Variants in CAST observed in about 807,000 individuals in gnomAD.
The protein encoded by CAST is MIR583 host.
CAST carries 76 observed loss-of-function variants against 119.6 expected under a neutral mutation model. The ratio of observed to expected loss-of-function variants is 0.64; its 90% confidence interval spans 0.53 to 0.77. The LOEUF (loss-of-function observed/expected upper bound fraction) is 0.77, where lower values mean the gene tolerates loss of function less well. Ranked by LOEUF, CAST falls within the 30% of genes least tolerant of loss-of-function variation. The pLI is 0.00. For synonymous variants in CAST, 319 were observed against 331.6 expected, an observed-to-expected ratio of 0.96 and a Z score of 0.41; for missense variants, 953 against 946.5, an observed-to-expected ratio of 1.01 and a Z score of -0.09.
chr5:96,641,485 G>A (rs993805211), intron 1 of CAST, among the ~76,000 whole-genome samples: 1 of 152,064 alleles, frequency 6.6e-6, no homozygotes, highest in Non-Finnish European at 1.5e-5. Flanking sequence ...CTCTTTGCTG[G>A]GCCAACAACT....
the CAST span, among the ~76,000 whole-genome samples, chr5:96,289,723 G>A: frequency 1.3e-5 from 2 of 152,012 alleles, no homozygotes; most frequent in South Asian, 2.1e-4. Context: ...AAATATCCTC[G>A]GGTAAGTTAT....
chr5:95,970,860 G>GA, the CAST span, among the ~76,000 whole-genome samples: 1 of 152,178 alleles, frequency 6.6e-6, no homozygotes, highest in African/African-American at 2.4e-5. Flanking sequence ...TCAAGTATTT[G>GA]AATTGTGACT....
chr5:96,042,747 C>T, the CAST span, among the ~76,000 whole-genome samples: 16 of 152,184 alleles, frequency 1.1e-4, no homozygotes, highest in African/African-American at 3.6e-4. Context: ...TTCTCACTTG[C>T]GAATCCTAGA....
At chr5:96,032,039 C>T in the CAST span, among the ~76,000 whole-genome samples, 1 of 152,160 alleles carries the variant, frequency 6.6e-6, no homozygotes, top group Non-Finnish European at 1.5e-5. Context: ...CAAGTGTCCC[C>T]ACCACATGGT....
the CAST span, among the ~76,000 whole-genome samples, chr5:96,162,821 G>T: frequency 6.6e-6 from 1 of 152,022 alleles, no homozygotes; most frequent in Admixed American, 6.6e-5. Flanking sequence ...ATTTGTTGAT[G>T]ATTTTTGTGT....
the CAST span, among the ~76,000 whole-genome samples, chr5:96,494,037 ATAAC>A: frequency 3.1e-4 from 47 of 152,294 alleles, no homozygotes; most frequent in South Asian, 4.1e-4. Context: ...CCGTCTCAAA[ATAAC>A]TAACTAACTA....
chr5:96,107,419 G>T, the CAST span, among the ~76,000 whole-genome samples: 3 of 151,702 alleles, frequency 2.0e-5, no homozygotes, highest in Admixed American at 2.0e-4. Flanking sequence ...GGCGGGCCTG[G>T]TGGTGACAAA....
At chr5:96,387,547 C>CTTA in the CAST span, among the ~76,000 whole-genome samples, 1 of 151,796 alleles carries the variant, frequency 6.6e-6, no homozygotes, top group Non-Finnish European at 1.5e-5. Context: ...TTACAAATCT[C>CTTA]TCTTAACATT....
the CAST span, among the ~76,000 whole-genome samples, chr5:96,334,997 T>A: frequency 6.6e-6 from 1 of 152,210 alleles, no homozygotes; most frequent in African/African-American, 2.4e-5. Context: ...TTTCAGAAGA[T>A]GCATTGTCTC....
At chr5:96,432,914 C>T in the CAST span, 4 of 1,614,126 alleles carry the variant, frequency 2.5e-6, no homozygotes. Flanking sequence ...AGGCTGCTTC[C>T]GGGCCCCCGG....
At chr5:95,961,541 T>C in the CAST span, 3 of 1,537,726 alleles carry the variant, frequency 2.0e-6, no homozygotes, top group Admixed American at 6.0e-5. Flanking sequence ...GCGCTCTGCC[T>C]CTCTGAGCCC....
At chr5:96,684,257 T>C (rs1371742309) in intron 2 of CAST, among the ~76,000 whole-genome samples, 1 of 152,202 alleles carries the variant, frequency 6.6e-6, no homozygotes, top group Non-Finnish European at 1.5e-5. Context: ...GCCTGGGACA[T>C]ATGAGGTGCT....
chr5:96,385,706 CTG>C, the CAST span, among the ~76,000 whole-genome samples: 5 of 152,194 alleles, frequency 3.3e-5, no homozygotes. Flanking sequence ...AAGGCATACT[CTG>C]TTCATGGAGC....
chr5:96,703,603 G>A (rs1754327202), intron 3 of CAST, among the ~76,000 whole-genome samples: 1 of 152,184 alleles, frequency 6.6e-6, no homozygotes, highest in South Asian at 2.1e-4. Context: ...CACACAGGCA[G>A]GGGGAAGTTC....
chr5:96,619,528 C>G (rs1020719307), intron 1 of CAST, among the ~76,000 whole-genome samples: 11 of 152,350 alleles, frequency 7.2e-5, no homozygotes, highest in African/African-American at 2.2e-4. Flanking sequence ...GGTCCTCTTC[C>G]ACAGTGTGGT....
the CAST span, among the ~76,000 whole-genome samples, chr5:96,214,216 G>A: frequency 6.6e-6 from 1 of 152,106 alleles, no homozygotes; most frequent in African/African-American, 2.4e-5. Context: ...TATGTAAATT[G>A]GTAAATATTT....
At chr5:96,392,806 G>A in the CAST span, 1 of 644,812 alleles carries the variant, frequency 1.6e-6, no homozygotes, top group African/African-American at 1.8e-5. Flanking sequence ...AAATACCTAT[G>A]ATCAATTCTG....
the CAST span, among the ~76,000 whole-genome samples, chr5:96,328,029 A>G: frequency 1.3e-5 from 2 of 152,222 alleles, no homozygotes; most frequent in African/African-American, 4.8e-5. Context: ...CAGCAACTCA[A>G]CTGGTTCTGA....
At chr5:96,205,847 G>A in the CAST span, among the ~76,000 whole-genome samples, 471 of 152,090 alleles carry the variant, frequency 3.1e-3, 2 homozygotes, top group African/African-American at 0.011. Flanking sequence ...TGAGATTGCT[G>A]GGTGCTGGGT....
Sources: allele counts gnomAD v4.1 joint callset (sites outside exome capture counted in the v4.1 genomes callset), GRCh38; gene constraint gnomAD v4.1.1; transcripts MANE v1.5; gene names NCBI Gene and HGNC (gene_info 2026-07-23, HGNC 2026-07-21).